The following GDA variants were observed in gnomAD, a reference collection of about 807,000 sequenced individuals.
GDA encodes guanine deaminase, also known as cytoplasmic PSD-95 interactor.
In GDA, 18 loss-of-function variants were observed where a neutral mutation model predicts 59.6. That is an observed-to-expected ratio of 0.30 (90% CI 0.21 to 0.45). The LOEUF (loss-of-function observed/expected upper bound fraction) is 0.45. GDA is among the 20% of genes least tolerant of loss of function. The pLI is 1.00. For synonymous variants in GDA, 201 were observed against 201.1 expected (o/e 1.00, Z 0.00); for missense variants, 427 against 552.3 (o/e 0.77, Z 2.27).
chr9:72,243,946 T>C (rs1034428528), intron 11 of GDA, among the ~76,000 whole-genome samples: 3 of 151,944 alleles, frequency 2.0e-5, no homozygotes, highest in African/African-American at 7.3e-5. Context: ...GAGTCCGAGG[T>C]GGGCAGTTCG....
At chr9:72,158,733 T>A (rs1828243982) in intron 1 of GDA, among the ~76,000 whole-genome samples, 1 of 152,208 alleles carries the variant, frequency 6.6e-6, no homozygotes, top group Non-Finnish European at 1.5e-5. Context: ...TAGAATGTTC[T>A]CACTCACTGA....
intron 10 of GDA, among the ~76,000 whole-genome samples, chr9:72,240,619 A>T (rs189606019): frequency 2.0e-5 from 3 of 152,312 alleles, no homozygotes; most frequent in East Asian, 3.9e-4. Flanking sequence ...TCTAAAATAG[A>T]GTGGGTCCTA....
At chr9:72,224,248 C>T (rs2131590105) in intron 7 of GDA, among the ~76,000 whole-genome samples, 1 of 152,246 alleles carries the variant, frequency 6.6e-6, no homozygotes, top group African/African-American at 2.4e-5. Flanking sequence ...GATGTATGCA[C>T]ATTTACTCAC....
intron 2 of GDA, among the ~76,000 whole-genome samples, chr9:72,199,840 C>G (rs1384177362): frequency 1.3e-5 from 2 of 152,080 alleles, no homozygotes; most frequent in East Asian, 3.9e-4. Flanking sequence ...GACAATAACT[C>G]TGCCAAGATT....
At chr9:72,237,771 G>C (rs562071018) in intron 10 of GDA, among the ~76,000 whole-genome samples, 4 of 151,952 alleles carry the variant, frequency 2.6e-5, no homozygotes, top group African/African-American at 9.7e-5. Context: ...TTGCTAACTG[G>C]AAACTTGATC....
At chr9:72,128,175 A>C (rs1164861117) in intron 1 of GDA, among the ~76,000 whole-genome samples, 3 of 152,188 alleles carry the variant, frequency 2.0e-5, no homozygotes, top group Non-Finnish European at 4.4e-5. Flanking sequence ...AGTAAACATT[A>C]AATTAGGGTT....
rs114737935 is a variant in GDA at position 72,161,398 on chromosome 9, A to G, written c.123+11716A>G. Among the ~76,000 whole-genome samples, 830 of 152,186 alleles carry G rather than the reference A, an allele frequency of 5.5e-3. 6 individuals are homozygous for G. The highest frequency in any genetic ancestry group is 0.018 in the African/African-American group (768 of 41,526). On this transcript the variant is annotated intron_variant, in intron 1 of 13. Transcript: ENST00000358399. ...GGATTTTTTTCACCACAGGATAACC[A>G]GGTTATCTTCCAAATAACCAGTTGT...
At position 72,242,667 on chromosome 9, in the gene GDA, G is replaced by T. The variant is rs567729681; in HGVS notation, c.1135+1369G>T. ...TTTCAAGAAAAGCAAATACAATGTT[G>T]TTTTTTGTTTTTGTTTTGTTTTGTT... On this transcript the variant is annotated intron_variant, in intron 11 of 13. Coordinates refer to ENST00000358399, the MANE Select transcript of GDA (RefSeq NM_004293.5). Among the ~76,000 whole-genome samples, 3 of 152,196 alleles carry T rather than the reference G, an allele frequency of 2.0e-5. No individual in the cohort carries two copies. The South Asian group carries it at 6.2e-4, about 32-fold the overall frequency.
intron 1 of GDA, among the ~76,000 whole-genome samples, chr9:72,185,493 C>A (rs1831756356): frequency 6.6e-6 from 1 of 152,178 alleles, no homozygotes; most frequent in South Asian, 2.1e-4. Context: ...GGCAATCTCA[C>A]TTCATCTCTC....
Position 72,155,996 on chromosome 9 carries a change from G to A in GDA, c.123+6314G>A, listed in dbSNP as rs1268481174. 5.3e-5 allele frequency among the ~76,000 whole-genome samples: 8 copies of A among 152,338 alleles called. No individual in the cohort carries two copies. In the East Asian group the frequency reaches 1.5e-3, roughly 29 times the overall value. On this transcript the variant is annotated intron_variant, in intron 1 of 13. Coordinates refer to ENST00000358399, the MANE Select transcript of GDA (RefSeq NM_004293.5). Reference sequence around the variant, plus strand: ...GAATAATGCCTGGCATGTAGTACATGTCCATTAGACTTCAGCGGTTATTGT... The same window carrying A: ...GAATAATGCCTGGCATGTAGTACATATCCATTAGACTTCAGCGGTTATTGT...
At chr9:72,201,584 A>G (rs1834014287) in intron 2 of GDA, among the ~76,000 whole-genome samples, 1 of 152,176 alleles carries the variant, frequency 6.6e-6, no homozygotes, top group Non-Finnish European at 1.5e-5. Flanking sequence ...ATTTGATAGC[A>G]TGAGGAATTA....
chr9:72,124,855 G>A (rs1239225437), intron 1 of GDA, among the ~76,000 whole-genome samples: 3 of 152,070 alleles, frequency 2.0e-5, no homozygotes, highest in Non-Finnish European at 2.9e-5. Flanking sequence ...TGATCCACCC[G>A]CCTCGGCCTC....
At chr9:72,196,421 A>G (rs1217649700) in intron 2 of GDA, among the ~76,000 whole-genome samples, 1 of 150,142 alleles carries the variant, frequency 6.7e-6, no homozygotes, top group Non-Finnish European at 1.5e-5. Context: ...CGGGGGGCAG[A>G]GGTTGCAGTG....
At chr9:72,136,978 G>A (rs1366806156) in intron 1 of GDA, among the ~76,000 whole-genome samples, 1 of 149,922 alleles carries the variant, frequency 6.7e-6, no homozygotes, top group Non-Finnish European at 1.5e-5. Flanking sequence ...GTGAGACTCC[G>A]TCTCAAAAAG....
rs1214655266 is a variant in GDA, at chr9:72,249,416, A to G, written c.*1074A>G. 1 of 933,310 alleles carries G rather than the reference A, an allele frequency of 1.1e-6. No individual in the cohort carries two copies. Among genetic ancestry groups the G allele is most frequent in the African/African-American group, 1.8e-5 (1 of 56,222 alleles). 57.8% of individuals were successfully genotyped at this position (933,310 alleles called of 1,614,324 possible). A position where few individuals can be genotyped will look rare whatever the true frequency, so the allele number is the denominator to read the frequency against. On this transcript the variant is annotated 3_prime_UTR_variant, in exon 14 of 14. Coordinates refer to ENST00000358399, the MANE Select transcript of GDA (RefSeq NM_004293.5). ...TGTTAAAAATCTTTAAACCCTGTGT[A>G]TTGAAAGCACTCTATTTTCTAATTT... is the stretch of plus-strand genomic sequence containing the variant.
In GDA at chr9:72,247,388, T is replaced by C; in HGVS notation, c.1267-18T>C. On this transcript the variant is annotated intron_variant, in intron 12 of 13. Coordinates refer to ENST00000358399, the MANE Select transcript of GDA (RefSeq NM_004293.5). Reference sequence around the variant, plus strand: ...TGCACAAATGAGTCTTTCTTATTACTTTTATTTTCCATTTTAGGCTGTTAT... The same window carrying C: ...TGCACAAATGAGTCTTTCTTATTACCTTTATTTTCCATTTTAGGCTGTTAT... 2.1e-6 allele frequency: 3 copies of C among 1,438,318 alleles called. No individual in the cohort carries two copies. The highest frequency in any genetic ancestry group is 2.9e-6 in the Non-Finnish European group (3 of 1,019,884). The allele number at this position is 1,438,318 out of a possible 1,614,324, so 89.1% of individuals were successfully genotyped here.
At chr9:72,117,328 CT>C (rs1408678667) in intron 1 of GDA, among the ~76,000 whole-genome samples, 1 of 151,640 alleles carries the variant, frequency 6.6e-6, no homozygotes, top group Non-Finnish European at 1.5e-5. Flanking sequence ...TTAATTCAAC[CT>C]TTGATTTTTT....
At chr9:72,167,625 A>AG (rs560105224) in intron 1 of GDA, among the ~76,000 whole-genome samples, 88 of 152,320 alleles carry the variant, frequency 5.8e-4, no homozygotes, top group Non-Finnish European at 1.1e-3. Context: ...ATTGGCATAC[A>AG]GCCTCTCACA....
intron 10 of GDA, among the ~76,000 whole-genome samples, chr9:72,234,607 G>A (rs1838748515): frequency 6.6e-6 from 1 of 152,130 alleles, no homozygotes; most frequent in Non-Finnish European, 1.5e-5. Context: ...TTCTGATGGA[G>A]CACCCAGAAC....
Sources: allele counts gnomAD v4.1 joint callset (sites outside exome capture counted in the v4.1 genomes callset), GRCh38; gene constraint gnomAD v4.1.1; transcripts MANE v1.5; gene names NCBI Gene and HGNC (gene_info 2026-07-23, HGNC 2026-07-21).